The following TUBA8 variants were observed in gnomAD, a reference collection of about 807,000 sequenced individuals.
TUBA8 encodes tubulin alpha 8.
TUBA8 carries 29 observed loss-of-function variants against 34.7 expected under a neutral mutation model. That is an observed-to-expected ratio of 0.84 (90% CI 0.62 to 1.14). The LOEUF is 1.14. Ranked by LOEUF, TUBA8 falls within the 50% of genes most tolerant of loss-of-function variation. The probability of loss-of-function intolerance (pLI) is 0.00; values close to 1 mark genes in which losing one functional copy is unlikely to be tolerated. For missense variants in TUBA8, 541 were observed against 599.2 expected (o/e 0.90, Z 1.01); for synonymous variants, 226 against 231.2 (o/e 0.98, Z 0.21).
At position 18,118,511 on chromosome 22, in the gene TUBA8, G is replaced by A. The variant is rs1357713286; in HGVS notation, c.4-2968G>A. 1.3e-5 allele frequency: 2 copies of A among 152,200 alleles called. No individual in the cohort carries two copies. Among genetic ancestry groups the A allele is most frequent in the African/African-American group, 4.8e-5 (2 of 41,434 alleles). The allele number at this position is 152,200 out of a possible 1,614,324, so 9.4% of individuals were successfully genotyped here. A position where few individuals can be genotyped will look rare whatever the true frequency, so the allele number is the denominator to read the frequency against. On this transcript the variant is annotated intron_variant, in intron 1 of 4. Coordinates refer to ENST00000330423, the MANE Select transcript of TUBA8 (RefSeq NM_018943.3). This position sits in a 1 kb window ranked among gnomAD's most constrained non-coding sequence, Gnocchi z 4.0. Reference sequence around the variant, plus strand: ...CCTTGGTTAGCCTCCGTGCCTCCAGGCGCTATGCGACATTCCAGGCTCATC... The same window carrying A: ...CCTTGGTTAGCCTCCGTGCCTCCAGACGCTATGCGACATTCCAGGCTCATC...
intron 4 of TUBA8, chr22:18,130,640 T>C: frequency 1.6e-6 from 1 of 640,846 alleles, no homozygotes; most frequent in Non-Finnish European, 2.7e-6. Flanking sequence ...TTGCCCTGCC[T>C]GCTTCCACTT....
At chr22:18,112,989 C>G (rs772724053) in intron 1 of TUBA8, 1 of 152,296 alleles carries the variant, frequency 6.6e-6, no homozygotes, top group Non-Finnish European at 1.5e-5. Flanking sequence ...ACTTCCCTCC[C>G]TGGTGGGGGT....
At position 18,126,944 on chromosome 22, in the gene TUBA8, C is replaced by T. The variant is rs372566835; in HGVS notation, c.966C>T (p.Asp322=). 34 of 1,613,072 alleles carry T rather than the reference C, an allele frequency of 2.1e-5. No homozygotes were observed. Among genetic ancestry groups the T allele is most frequent in the Middle Eastern group, 3.3e-4 (2 of 6,056 alleles). Residue 322 remains aspartate (D), a synonymous_variant, in exon 4 of 5, where the codon GAC becomes GAT. Coordinates refer to ENST00000330423, the MANE Select transcript of TUBA8 (RefSeq NM_018943.3). The surrounding 1 kb of genome is among the most constrained non-coding windows in gnomAD (Gnocchi z 4.0). ...YMACCMLYRG[D]VVPKDVNVAI... is the part of the protein sequence containing the mutation. ...CCTGCTGCATGCTCTACCGGGGCGACGTGGTGCCCAAGGATGTGAATGTCG... is the reference window on the plus strand; with the variant it reads ...CCTGCTGCATGCTCTACCGGGGCGATGTGGTGCCCAAGGATGTGAATGTCG...
rs1928498549 is a variant in TUBA8, at chr22:18,131,144, C to A, written c.*8C>A. ...GAAGGGGAGGAATTTTAAATATATA[C>A]CTTCCCCTTGGCTGTGTCTCTTTAT... On this transcript the variant is annotated 3_prime_UTR_variant, in exon 5 of 5. Transcript: ENST00000330423. The surrounding 1 kb of genome is among the most constrained non-coding windows in gnomAD (Gnocchi z 5.3). The A allele has an allele frequency of 1.2e-6, 2 of 1,611,938 alleles. No homozygotes were observed. Among genetic ancestry groups the A allele is most frequent in the South Asian group, 2.2e-5 (2 of 90,996 alleles).
rs189962718 is a variant in TUBA8 at position 18,121,110 on chromosome 22, G to T, written c.4-369G>T. Reference sequence around the variant, plus strand: ...GCTGTGAATGCTGCCTTGTGTGGGCGTAGGCTGAAGGAGAGTTTCTGCCAT... The same window carrying T: ...GCTGTGAATGCTGCCTTGTGTGGGCTTAGGCTGAAGGAGAGTTTCTGCCAT... On this transcript the variant is annotated intron_variant, in intron 1 of 4. Transcript: ENST00000330423. The surrounding 1 kb of genome is among the most constrained non-coding windows in gnomAD (Gnocchi z 4.8). 3.3e-6 allele frequency: 1 copy of T among 305,230 alleles called. No homozygotes were observed. Among genetic ancestry groups the T allele is most frequent in the East Asian group, 7.9e-5 (1 of 12,680 alleles). The allele number at this position is 305,230 out of a possible 1,614,324, so 18.9% of individuals were successfully genotyped here. A position where few individuals can be genotyped will look rare whatever the true frequency, so the allele number is the denominator to read the frequency against.
chr22:18,127,034 G>A lies in TUBA8; in HGVS notation c.1056G>A (p.Lys352=). 6.2e-7 allele frequency: 1 copy of A among 1,614,108 alleles called. No individual in the cohort carries two copies. The highest frequency in any genetic ancestry group is 8.5e-7 in the Non-Finnish European group (1 of 1,180,036). The change falls in exon 4 of 5, where the codon AAG becomes AAA. Residue 352 remains lysine (K), a splice_region_variant and synonymous_variant. Transcript: ENST00000330423. ...QFVDWCPTGF[K]VGINYQPPTV... is the part of the protein sequence containing the mutation. The stretch of plus-strand genomic sequence containing the variant: ...TAGACTGGTGTCCCACAGGCTTCAA[G>A]GTGAGAGCTGATGACTTAGGAAGGG...
chr22:18,110,949 G>A lies in TUBA8; in HGVS notation c.3+81G>A. The A allele has an allele frequency of 6.5e-7, 1 of 1,531,800 alleles. No individual in the cohort carries two copies. The highest frequency in any genetic ancestry group is 8.7e-7 in the Non-Finnish European group (1 of 1,144,766). 94.9% of individuals were successfully genotyped at this position (1,531,800 alleles called of 1,614,324 possible). A position where few individuals can be genotyped will look rare whatever the true frequency, so the allele number is the denominator to read the frequency against. On this transcript the variant is annotated intron_variant, in intron 1 of 4. Transcript: ENST00000330423. This position sits in a 1 kb window ranked among gnomAD's most constrained non-coding sequence, Gnocchi z 6.2. ...AGCCGAGTCTACGCGGAGGCGCACG[G>A]ACCCGTCTTCCTGGAGCCGCAGGGC...
chr22:18,126,935 C>A lies in TUBA8; in HGVS notation c.957C>A (p.Tyr319Ter). 1 of 1,612,812 alleles carries A rather than the reference C, an allele frequency of 6.2e-7. No individual in the cohort carries two copies. Among genetic ancestry groups the A allele is most frequent in the Admixed American group, 1.7e-5 (1 of 59,952 alleles). The stretch of plus-strand genomic sequence containing the variant: ...AGTACATGGCCTGCTGCATGCTCTA[C>A]CGGGGCGACGTGGTGCCCAAGGATG... ...HGKYMACCMLYRGDVVPKDVN... is the reference protein window; with the variant it reads ...HGKYMACCML Residue 319 changes from tyrosine (Y) to a stop codon, truncating the protein, a stop_gained, in exon 4 of 5, where the codon TAC (tyrosine) becomes TAA (stop). Coordinates refer to ENST00000330423, the MANE Select transcript of TUBA8 (RefSeq NM_018943.3). LOFTEE classifies it high-confidence loss of function. The surrounding 1 kb of genome is among the most constrained non-coding windows in gnomAD (Gnocchi z 4.0).
At chr22:18,127,389 G>GTT (rs1467174410) in intron 4 of TUBA8, 7 of 173,944 alleles carry the variant, frequency 4.0e-5, no homozygotes, top group Admixed American at 6.1e-5. Flanking sequence ...CCTAACGTTA[G>GTT]TTTTGTTTTT....
chr22:18,114,343 G>C (rs890887190), intron 1 of TUBA8: 1 of 152,302 alleles, frequency 6.6e-6, no homozygotes, highest in Non-Finnish European at 1.5e-5. Flanking sequence ...CTCATGGCCA[G>C]AGCTGGCCTC....
At position 18,121,266 on chromosome 22, in the gene TUBA8, A is replaced by G; in HGVS notation, c.4-213A>G. On this transcript the variant is annotated intron_variant, in intron 1 of 4. Transcript: ENST00000330423. This position sits in a 1 kb window ranked among gnomAD's most constrained non-coding sequence, Gnocchi z 4.8. ...GTATAAAAGGTCAACCCTGGGAAGC[A>G]ACCTTTAGAGCAAAGCACAAAACAG... The G allele has an allele frequency of 3.4e-6, 2 of 586,186 alleles. No homozygotes were observed. The highest frequency in any genetic ancestry group is 6.0e-5 in the Admixed American group (2 of 33,400). The allele number at this position is 586,186 out of a possible 1,614,324, so 36.3% of individuals were successfully genotyped here.
rs367639926 is a variant in TUBA8 at position 18,126,615 on chromosome 22, T to C, written c.637T>C (p.Cys213Arg). 6.2e-7 allele frequency: 1 copy of C among 1,614,036 alleles called. No individual in the cohort carries two copies. Among genetic ancestry groups the C allele is most frequent in the African/African-American group, 1.3e-5 (1 of 74,906 alleles). Residue 213 changes from cysteine to arginine, a missense_variant, in exon 4 of 5, where the codon TGC becomes CGC. By Grantham distance (180) the Cys-to-Arg change is radical. Coordinates refer to ENST00000330423, the MANE Select transcript of TUBA8 (RefSeq NM_018943.3). The surrounding 1 kb of genome is among the most constrained non-coding windows in gnomAD (Gnocchi z 4.0). ...GGACAACGAAGCCATCTATGACATCTGCCGCAGGAACCTTGACATTGAGCG... is the reference window on the plus strand; with the variant it reads ...GGACAACGAAGCCATCTATGACATCCGCCGCAGGAACCTTGACATTGAGCG... ...MVDNEAIYDI[C>R]RRNLDIERPT...
chr22:18,110,934 A>T lies in TUBA8; in HGVS notation c.3+66A>T. 1 of 1,535,074 alleles carries T rather than the reference A, an allele frequency of 6.5e-7. No individual in the cohort carries two copies. Among genetic ancestry groups the T allele is most frequent in the Non-Finnish European group, 8.7e-7 (1 of 1,146,960 alleles). ...AGGCGTAGGACCGAGAGCCGAGTCTACGCGGAGGCGCACGGACCCGTCTTC... is the reference window on the plus strand; with the variant it reads ...AGGCGTAGGACCGAGAGCCGAGTCTTCGCGGAGGCGCACGGACCCGTCTTC... On this transcript the variant is annotated intron_variant, in intron 1 of 4. Coordinates refer to ENST00000330423, the MANE Select transcript of TUBA8 (RefSeq NM_018943.3). The surrounding 1 kb of genome is among the most constrained non-coding windows in gnomAD (Gnocchi z 6.2).
rs1441957944 is a variant in TUBA8 at position 18,126,678 on chromosome 22, A to AT, written c.702dup (p.Val235CysfsTer11). The AT allele has an allele frequency of 2.5e-6, 4 of 1,614,040 alleles. No individual in the cohort carries two copies. In the East Asian group the frequency reaches 8.9e-5, roughly 36 times the overall value. On this transcript the variant is annotated frameshift_variant, in exon 4 of 5. Transcript: ENST00000330423. LOFTEE classifies it high-confidence loss of function. This position sits in a 1 kb window ranked among gnomAD's most constrained non-coding sequence, Gnocchi z 4.0. Reference sequence around the variant, plus strand: ...CAACCTCAACCGCCTCATCAGTCAGATTGTGTCCTCAATCACTGCTTCTCT... The same window carrying AT: ...CAACCTCAACCGCCTCATCAGTCAGATTTGTGTCCTCAATCACTGCTTCTCT...
chr22:18,110,903 C>T lies in TUBA8; in HGVS notation c.3+35C>T, dbSNP rs1237974690. On this transcript the variant is annotated intron_variant, in intron 1 of 4. Coordinates refer to ENST00000330423, the MANE Select transcript of TUBA8 (RefSeq NM_018943.3). This position sits in a 1 kb window ranked among gnomAD's most constrained non-coding sequence, Gnocchi z 6.2. Reference sequence around the variant, plus strand: ...CCCGGGGCCAGGCGGGCTGCGGGCGCGCGGCAGGCGTAGGACCGAGAGCCG... The same window carrying T: ...CCCGGGGCCAGGCGGGCTGCGGGCGTGCGGCAGGCGTAGGACCGAGAGCCG... 7 of 1,542,112 alleles carry T rather than the reference C, an allele frequency of 4.5e-6. No homozygotes were observed. The highest frequency in any genetic ancestry group is 6.1e-6 in the Non-Finnish European group (7 of 1,150,888).
chr22:18,125,635 T>C (rs362052), intron 3 of TUBA8: 11,837 of 152,270 alleles, frequency 0.078, 700 homozygotes, highest in East Asian at 0.34. Context: ...TCCATGTACC[T>C]TTCTGAAATT....
chr22:18,130,736 G>T, intron 4 of TUBA8, 107 bp from the exon 5 acceptor site: 1 of 1,485,168 alleles, frequency 6.7e-7, no homozygotes, highest in South Asian at 1.2e-5. Context: ...CCACGCCCCT[G>T]ACCATGACTT....
At chr22:18,120,990 G>C (rs1030002912) in intron 1 of TUBA8, 4 of 174,246 alleles carry the variant, frequency 2.3e-5, no homozygotes, top group African/African-American at 9.5e-5. Flanking sequence ...TACTTCCAGA[G>C]CATGTTCCTT....
chr22:18,127,136 T>A (rs976537054), intron 4 of TUBA8, 102 bp downstream of exon 4: 29 of 1,229,552 alleles, frequency 2.4e-5, no homozygotes, highest in Non-Finnish European at 3.1e-5. Flanking sequence ...TATGTGATGA[T>A]AAGGGGAGGG....
Sources: allele counts gnomAD v4.1 joint callset, GRCh38; gene constraint gnomAD v4.1.1; non-coding constraint Gnocchi (gnomAD v3.1); transcripts MANE v1.5; gene names NCBI Gene and HGNC (gene_info 2026-07-23, HGNC 2026-07-21).